Variants in C4orf50 observed in about 807,000 individuals in gnomAD.
C4orf50 encodes chromosome 4 open reading frame 50, also known as uncharacterized protein C4orf50.
A neutral mutation model predicts 77.2 loss-of-function variants in C4orf50; 80 were observed. The observed-to-expected ratio is 1.04, with a 90% CI of 0.87 to 1.25. C4orf50 has a LOEUF of 1.25. Ranked by LOEUF, C4orf50 falls within the 50% of genes most tolerant of loss-of-function variation. The pLI is 0.00. For missense variants in C4orf50, 1,257 were observed against 1,152.9 expected (o/e 1.09, Z -1.31); for synonymous variants, 532 against 465.3 (o/e 1.14, Z -1.84).
chr4:5,907,030 G>C (rs1716578810), intron 7 of C4orf50, among the ~76,000 whole-genome samples: 1 of 152,172 alleles, frequency 6.6e-6, no homozygotes, highest in Non-Finnish European at 1.5e-5. Context: ...TGAGTTCCAT[G>C]CTATGCTCAT....
At chr4:6,004,381 A>G (rs1392604451) in intron 25 of C4orf50, among the ~76,000 whole-genome samples, 2 of 113,234 alleles carry the variant, frequency 1.8e-5, no homozygotes, top group African/African-American at 3.2e-5. Context: ...GATGGTGATG[A>G]TGGTGATGGT....
At chr4:5,903,296 TCA>T (rs1716416096) in intron 7 of C4orf50, 1 of 152,148 alleles carries the variant, frequency 6.6e-6, no homozygotes, top group Non-Finnish European at 1.5e-5. Flanking sequence ...TTTTTAAATG[TCA>T]CTTGCTAACT....
chr4:5,964,517 C>A (rs1719445805), intron 33 of C4orf50, among the ~76,000 whole-genome samples: 4 of 152,058 alleles, frequency 2.6e-5, no homozygotes, highest in Admixed American at 2.6e-4. Flanking sequence ...TGCCTGTAAT[C>A]CCAGCACTTT....
At chr4:5,904,842 A>G (rs916253928) in intron 7 of C4orf50, 1 of 152,152 alleles carries the variant, frequency 6.6e-6, no homozygotes, top group African/African-American at 2.4e-5. Context: ...ATTTTTTAAA[A>G]CCATCATCCT....
At chr4:5,914,700 A>T (rs1311113652) in intron 7 of C4orf50, among the ~76,000 whole-genome samples, 3 of 152,228 alleles carry the variant, frequency 2.0e-5, no homozygotes, top group Admixed American at 6.5e-5. Flanking sequence ...TTCGTTTGTT[A>T]GAAATACTTA....
intron 7 of C4orf50, among the ~76,000 whole-genome samples, chr4:5,944,708 G>C (rs1447216299): frequency 1.3e-5 from 2 of 152,156 alleles, no homozygotes; most frequent in Non-Finnish European, 2.9e-5. Context: ...TTAAGGAGCA[G>C]GCAGCCTGCT....
At position 6,011,593 on chromosome 4, in the gene C4orf50, G is replaced by C. The variant is rs1005308329; in HGVS notation, c.426+237C>G. Among the ~76,000 whole-genome samples, 1 of 152,216 alleles carries C rather than the reference G, an allele frequency of 6.6e-6. No homozygotes were observed. Among genetic ancestry groups the C allele is most frequent in the African/African-American group, 2.4e-5 (1 of 41,522 alleles). ...TCCTGTCCTCAGTCTGTGGCCTGGC[G>C]CTGAGGTCCTCAGGCACAAGAGCTT... On this transcript the variant is annotated intron_variant, in intron 24 of 33. Coordinates refer to ENST00000531445, the Ensembl canonical transcript of C4orf50. The surrounding 1 kb of genome is among the most constrained non-coding windows in gnomAD (Gnocchi z 4.2).
chr4:5,926,664 T>G (rs1182664856), intron 7 of C4orf50, among the ~76,000 whole-genome samples: 1 of 152,004 alleles, frequency 6.6e-6, no homozygotes, highest in Non-Finnish European at 1.5e-5. Flanking sequence ...ACAGTACCTG[T>G]GTCCCCGGGC....
chr4:6,001,025 A>T (rs1446507480), intron 25 of C4orf50, among the ~76,000 whole-genome samples: 1 of 152,224 alleles, frequency 6.6e-6, no homozygotes, highest in East Asian at 1.9e-4. Context: ...CACAAAAGCC[A>T]TGATAAAATG....
At chr4:5,923,938 G>A (rs1341945252) in intron 7 of C4orf50, among the ~76,000 whole-genome samples, 3 of 152,188 alleles carry the variant, frequency 2.0e-5, no homozygotes, top group Non-Finnish European at 4.4e-5. Flanking sequence ...GGAGAAGATG[G>A]AAGAGCAGAC....
chr4:5,908,036 GATTC>G lies in C4orf50; in HGVS notation c.*2475-9852_*2475-9849del, dbSNP rs61240934. Among the ~76,000 whole-genome samples the G allele has an allele frequency of 1.8e-3, 269 of 151,386 alleles. 2 individuals are homozygous for G. The highest frequency in any genetic ancestry group is 6.1e-3 in the African/African-American group (252 of 41,458). ...TAACAAAAAGAGCTGACCATTCACTGATTCATTCATTCATTCATTCATTCATTTG... is the reference window on the plus strand; with the variant it reads ...TAACAAAAAGAGCTGACCATTCACTGATTCATTCATTCATTCATTCATTTG... On this transcript the variant is annotated intron_variant, in intron 7 of 7. Transcript: ENST00000324058. The surrounding 1 kb of genome is among the most constrained non-coding windows in gnomAD (Gnocchi z 5.6).
intron 7 of C4orf50, among the ~76,000 whole-genome samples, chr4:5,933,910 G>A (rs1249712369): frequency 2.0e-5 from 3 of 152,136 alleles, no homozygotes; most frequent in Non-Finnish European, 2.9e-5. Flanking sequence ...GGAGGAGGAG[G>A]TCAGGAGAGG....
At chr4:5,971,622 C>T (rs1441517356) in intron 31 of C4orf50, among the ~76,000 whole-genome samples, 4 of 152,220 alleles carry the variant, frequency 2.6e-5, no homozygotes, top group African/African-American at 9.7e-5. Context: ...TGCTCTCGTT[C>T]TGGGCTCTCA....
chr4:5,953,905 C>T (rs1448147673), downstream of C4orf50, among the ~76,000 whole-genome samples: 1 of 152,260 alleles, frequency 6.6e-6, no homozygotes, highest in Non-Finnish European at 1.5e-5. Flanking sequence ...GTAAAAGGCA[C>T]TGTTTCCTCT....
Position 6,011,218 on chromosome 4 carries a change from G to A in C4orf50, c.426+612C>T, listed in dbSNP as rs963659508. Reference sequence around the variant, plus strand: ...AGTCCCCTAAAGCTTGTTCCCCATTGTATTCAGAATTGGGCCATGCAGCGG... The same window carrying A: ...AGTCCCCTAAAGCTTGTTCCCCATTATATTCAGAATTGGGCCATGCAGCGG... On this transcript the variant is annotated intron_variant, in intron 24 of 33. Coordinates refer to ENST00000531445, the Ensembl canonical transcript of C4orf50. This position sits in a 1 kb window ranked among gnomAD's most constrained non-coding sequence, Gnocchi z 4.2. 2.6e-5 allele frequency among the ~76,000 whole-genome samples: 4 copies of A among 152,174 alleles called. No homozygotes were observed. Among genetic ancestry groups the A allele is most frequent in the Non-Finnish European group, 5.9e-5 (4 of 68,026 alleles).
At chr4:5,946,083 C>T (rs576157325) in intron 7 of C4orf50, among the ~76,000 whole-genome samples, 79 of 152,356 alleles carry the variant, frequency 5.2e-4, no homozygotes, top group African/African-American at 1.7e-3. Context: ...CTCTAGCTCT[C>T]CCAGCCTCCA....
intron 27 of C4orf50, among the ~76,000 whole-genome samples, chr4:5,991,301 A>C (rs1014439082): frequency 2.0e-5 from 3 of 152,194 alleles, no homozygotes; most frequent in African/African-American, 2.4e-5. Flanking sequence ...ATTCAGTTCT[A>C]CGGTGGCAAT....
chr4:5,945,462 G>A (rs575894002), intron 7 of C4orf50, among the ~76,000 whole-genome samples: 44 of 152,302 alleles, frequency 2.9e-4, no homozygotes, highest in African/African-American at 9.1e-4. Flanking sequence ...GGAAACCTCC[G>A]ATTTCATTGA....
chr4:5,943,247 T>G (rs1398570401), intron 7 of C4orf50, among the ~76,000 whole-genome samples: 3 of 152,250 alleles, frequency 2.0e-5, no homozygotes, highest in Non-Finnish European at 4.4e-5. Flanking sequence ...TGATCACATC[T>G]TTTCTAAAAC....
Sources: allele counts gnomAD v4.1 joint callset (sites outside exome capture counted in the v4.1 genomes callset), GRCh38; gene constraint gnomAD v4.1.1; non-coding constraint Gnocchi (gnomAD v3.1); transcripts MANE v1.5; gene names NCBI Gene and HGNC (gene_info 2026-07-23, HGNC 2026-07-21).